AGBL1: variants seen among roughly 807,000 people sequenced by gnomAD.
The protein encoded by AGBL1 is AGBL carboxypeptidase 1, also known as cytosolic carboxypeptidase 4.
Under a neutral mutation model 118.9 loss-of-function variants are expected in AGBL1, and 130 were observed. The ratio of observed to expected loss-of-function variants is 1.09; its 90% CI spans 0.95 to 1.26. The LOEUF is 1.26. AGBL1 is among the 50% of genes most tolerant of loss of function. AGBL1 has a pLI of 0.00. For missense variants in AGBL1, 1,584 were observed against 1,298.1 expected, an observed-to-expected ratio of 1.22 and a Z score of -3.38; for synonymous variants, 555 against 478.9, an observed-to-expected ratio of 1.16 and a Z score of -2.08.
chr15:86,484,968 C>T (rs1273855150), intron 18 of AGBL1, among the ~76,000 whole-genome samples: 3 of 152,162 alleles, frequency 2.0e-5, no homozygotes, highest in African/African-American at 7.2e-5. Flanking sequence ...TAAGAGTTCC[C>T]ACTTGCTAGT....
chr15:86,730,159 C>T (rs1200004133), intron 22 of AGBL1, among the ~76,000 whole-genome samples: 1 of 152,018 alleles, frequency 6.6e-6, no homozygotes, highest in Non-Finnish European at 1.5e-5. Flanking sequence ...TGTAAGATCT[C>T]GAATTATGAA....
intron 22 of AGBL1, among the ~76,000 whole-genome samples, chr15:86,778,395 T>C (rs1434813978): frequency 1.3e-5 from 2 of 152,132 alleles, no homozygotes; most frequent in East Asian, 3.9e-4. Context: ...AATTTCCTTG[T>C]CCTAATAAGA....
intron 18 of AGBL1, among the ~76,000 whole-genome samples, chr15:86,475,761 A>T (rs1301649816): frequency 6.6e-6 from 1 of 152,334 alleles, no homozygotes; most frequent in African/African-American, 2.4e-5. Flanking sequence ...CAACTTCAAG[A>T]CACATAATTG....
At position 86,457,644 on chromosome 15, in the gene AGBL1, C is replaced by G. The variant is rs143840386; in HGVS notation, c.2555+60098C>G. 9.2e-5 allele frequency among the ~76,000 whole-genome samples: 14 copies of G among 152,136 alleles called. No individual in the cohort carries two copies. In the East Asian group the frequency reaches 2.7e-3, roughly 29 times the overall value. On this transcript the variant is annotated intron_variant, in intron 18 of 22. Coordinates refer to ENST00000614907, the MANE Select transcript of AGBL1 (RefSeq NM_001386094.1). ...AAGACCAAATAATCTTAAAATCAAA[C>G]CAGATTAGAAGTGCTCTGGAGAAGA...
chr15:86,921,759 C>A (rs185110365), intron 23 of AGBL1, among the ~76,000 whole-genome samples: 18 of 152,134 alleles, frequency 1.2e-4, no homozygotes, highest in African/African-American at 4.1e-4. Flanking sequence ...TGTCAAGGCG[C>A]CTGTGGCATG....
chr15:86,294,950 G>T (rs530673675), intron 16 of AGBL1, among the ~76,000 whole-genome samples: 3 of 152,006 alleles, frequency 2.0e-5, no homozygotes, highest in African/African-American at 7.3e-5. Flanking sequence ...TGATTTCCTC[G>T]TATGTCACAG....
intron 21 of AGBL1, among the ~76,000 whole-genome samples, chr15:86,583,660 A>G (rs1034691364): frequency 6.6e-6 from 1 of 151,924 alleles, no homozygotes; most frequent in African/African-American, 2.4e-5. Context: ...TGTGTCTTTT[A>G]GACTGATCAT....
At chr15:86,745,647 T>A (rs757455955) in intron 22 of AGBL1, among the ~76,000 whole-genome samples, 6 of 152,054 alleles carry the variant, frequency 3.9e-5, no homozygotes, top group Non-Finnish European at 5.9e-5. Flanking sequence ...AAATCCCACC[T>A]CCCGATTTTA....
intron 3 of AGBL1, among the ~76,000 whole-genome samples, chr15:86,150,848 A>G (rs1219838448): frequency 6.6e-6 from 1 of 152,192 alleles, no homozygotes; most frequent in Non-Finnish European, 1.5e-5. Context: ...CCTGATGAAC[A>G]TTGATGCAAA....
chr15:86,302,628 A>T (rs542331793), intron 17 of AGBL1, among the ~76,000 whole-genome samples: 2 of 151,944 alleles, frequency 1.3e-5, no homozygotes, highest in African/African-American at 4.8e-5. Context: ...AATACAAAAA[A>T]ATGAGCCGAA....
At chr15:86,264,903 G>C in intron 11 of AGBL1, 65 bp downstream of exon 11, 1 of 1,370,654 alleles carries the variant, frequency 7.3e-7, no homozygotes, top group East Asian at 2.3e-5. Context: ...AAGTAAAATG[G>C]TTTGTACAGA....
intron 23 of AGBL1, among the ~76,000 whole-genome samples, chr15:86,971,388 C>G (rs2081107196): frequency 6.6e-6 from 1 of 151,926 alleles, no homozygotes; most frequent in Non-Finnish European, 1.5e-5. Context: ...GCACCCTGCT[C>G]TAAACAGCAT....
chr15:86,110,752 T>C (rs1897328799), intron 1 of AGBL1, among the ~76,000 whole-genome samples: 1 of 152,212 alleles, frequency 6.6e-6, no homozygotes, highest in South Asian at 2.1e-4. Context: ...ATGTGTAATG[T>C]TCCTGATACC....
At chr15:86,729,811 AAATGGTAGCTCT>A (rs2077504359) in intron 22 of AGBL1, among the ~76,000 whole-genome samples, 1 of 152,214 alleles carries the variant, frequency 6.6e-6, no homozygotes, top group South Asian at 2.1e-4. Flanking sequence ...TTGCTGGGTC[AAATGGTAGCTCT>A]GTTTTACATT....
intron 18 of AGBL1, among the ~76,000 whole-genome samples, chr15:86,506,561 A>C (rs1242701780): frequency 1.3e-5 from 2 of 152,138 alleles, no homozygotes; most frequent in Non-Finnish European, 2.9e-5. Context: ...GCTTTTCAAC[A>C]AAACAACCTT....
At chr15:86,984,753 A>G (rs1489088293) in intron 23 of AGBL1, among the ~76,000 whole-genome samples, 1 of 152,142 alleles carries the variant, frequency 6.6e-6, no homozygotes, top group Non-Finnish European at 1.5e-5. Flanking sequence ...TATTTTTCCC[A>G]GTTAGTGGCT....
intron 22 of AGBL1, among the ~76,000 whole-genome samples, chr15:86,681,662 T>C (rs1259711900): frequency 6.6e-6 from 1 of 152,242 alleles, no homozygotes; most frequent in Non-Finnish European, 1.5e-5. Context: ...AATTAGTCAA[T>C]AATCAAGAGT....
At chr15:86,664,263 G>C (rs1399974120) in intron 21 of AGBL1, among the ~76,000 whole-genome samples, 3 of 152,172 alleles carry the variant, frequency 2.0e-5, no homozygotes, top group African/African-American at 4.8e-5. Context: ...CCAGTCCTCA[G>C]CATGAAAGCA....
chr15:86,321,353 T>A (rs1038183477), intron 17 of AGBL1, among the ~76,000 whole-genome samples: 4 of 152,174 alleles, frequency 2.6e-5, no homozygotes, highest in African/African-American at 4.8e-5. Flanking sequence ...TTCTGTAATG[T>A]TTCTATTTAA....
Sources: gnomAD v4.1 joint callset for allele counts (sites outside exome capture counted in the v4.1 genomes callset) on GRCh38, gnomAD v4.1.1 for gene constraint, MANE v1.5 for transcripts, NCBI Gene and HGNC (gene_info 2026-07-23, HGNC 2026-07-21) for gene names.